Variants in FHIP2A observed in about 807,000 individuals in gnomAD.
FHIP2A encodes family with sequence similarity 160 member B1.
Under a neutral mutation model 93.5 loss-of-function variants are expected in FHIP2A, and 46 were observed. The observed-to-expected ratio is 0.49, with a 90% CI of 0.39 to 0.63. The LOEUF (loss-of-function observed/expected upper bound fraction) is 0.63. Among genes scored for constraint, FHIP2A ranks in the 20% least tolerant of loss-of-function variants. The pLI is 0.00. For missense variants in FHIP2A, 769 were observed against 909.7 expected (o/e 0.85, Z 1.99); for synonymous variants, 332 against 326.5 (o/e 1.02, Z -0.18).
Position 114,860,789 on chromosome 10 carries a change from G to A in FHIP2A, c.1988G>A (p.Arg663Lys). 6.2e-7 allele frequency: 1 copy of A among 1,608,616 alleles called. No individual in the cohort carries two copies. Among genetic ancestry groups the A allele is most frequent in the Non-Finnish European group, 8.5e-7 (1 of 1,175,038 alleles). Reference sequence around the variant, plus strand: ...TTACAAGTAACCTCAGTGTTATCTAGACTTTCTCTCTTCCCTCATCCACAC... The same window carrying A: ...TTACAAGTAACCTCAGTGTTATCTAAACTTTCTCTCTTCCCTCATCCACAC... Reference protein sequence around the residue: ...VNLQVTSVLSRLSLFPHPHIH... With the variant: ...VNLQVTSVLSKLSLFPHPHIH... Residue 663 changes from arginine to lysine, a missense_variant, in exon 15 of 17, where the codon AGA becomes AAA. By Grantham distance (26) the Arg-to-Lys change is conservative. Coordinates refer to ENST00000369248, the MANE Select transcript of FHIP2A (RefSeq NM_020940.4).
chr10:114,867,664 G>T (rs1159998010), downstream of FHIP2A, among the ~76,000 whole-genome samples: 1 of 152,158 alleles, frequency 6.6e-6, no homozygotes, highest in Non-Finnish European at 1.5e-5. Flanking sequence ...GATGGAGATG[G>T]TGGAGATGAA....
rs757704332 is a variant in FHIP2A, at chr10:114,843,951, C to T, written c.1013+14C>T. The T allele has an allele frequency of 8.5e-6, 13 of 1,535,214 alleles. No individual in the cohort carries two copies. The South Asian group carries it at 1.7e-4, about 20-fold the overall frequency. ...AATTAACTGGGGGTAAGCACCGTTA[C>T]TTGTATTTTCCCATAAAGGTGACTT... On this transcript the variant is annotated intron_variant, in intron 7 of 16. Coordinates refer to ENST00000369248, the MANE Select transcript of FHIP2A (RefSeq NM_020940.4).
chr10:114,896,447 C>G (rs1189585933), intron 16 of FHIP2A, among the ~76,000 whole-genome samples: 2 of 152,096 alleles, frequency 1.3e-5, no homozygotes, highest in African/African-American at 4.8e-5. Context: ...ATATCTTAGG[C>G]CCCCAAAATC....
At chr10:114,847,864 A>G (rs905653197) in intron 12 of FHIP2A, among the ~76,000 whole-genome samples, 1 of 151,338 alleles carries the variant, frequency 6.6e-6, no homozygotes, top group African/African-American at 2.4e-5. Context: ...CTCCTGCCTC[A>G]GGCTCCTGAG....
chr10:114,845,442 G>A lies in FHIP2A; in HGVS notation c.1089G>A (p.Trp363Ter). The A allele has an allele frequency of 6.2e-7, 1 of 1,613,328 alleles. No homozygotes were observed. Among genetic ancestry groups the A allele is most frequent in the Non-Finnish European group, 8.5e-7 (1 of 1,179,496 alleles). ...GKRALISFLS[W>*]FDYCDQLIKE... ...GAGCCTTAATTTCATTTCTTTCCTG[G>A]TTTGATTATTGTGATCAGCTCATTA... Residue 363 changes from tryptophan to a stop codon, truncating the protein, a stop_gained, in exon 8 of 17, where the codon TGG (tryptophan) becomes TGA (stop). Transcript: ENST00000369248. LOFTEE classifies it high-confidence loss of function.
intron 16 of FHIP2A, among the ~76,000 whole-genome samples, chr10:114,883,025 G>T (rs187352570): frequency 1.1e-4 from 17 of 152,276 alleles, no homozygotes; most frequent in African/African-American, 4.1e-4. Flanking sequence ...ACTGGCGAAA[G>T]GCTTGTGACA....
intron 1 of FHIP2A, among the ~76,000 whole-genome samples, chr10:114,825,131 C>T (rs2083565602): frequency 6.6e-6 from 1 of 152,194 alleles, no homozygotes; most frequent in Non-Finnish European, 1.5e-5. Context: ...GATTCTCCTG[C>T]CTCAGCCTCC....
chr10:114,880,567 C>G (rs2083911689), intron 16 of FHIP2A, among the ~76,000 whole-genome samples: 1 of 152,004 alleles, frequency 6.6e-6, no homozygotes, highest in African/African-American at 2.4e-5. Flanking sequence ...GTAATCCCAG[C>G]TACTCTGGTG....
In FHIP2A at chr10:114,842,997, G is replaced by T; in HGVS notation, c.587G>T (p.Gly196Val). The change falls in exon 6 of 17, where the codon GGT (glycine) becomes GTT (valine). Residue 196 changes from glycine to valine, a missense_variant. By Grantham distance (109) the Gly-to-Val change is moderately radical. Transcript: ENST00000369248. ...PNVISEDTLK[G>V]QDSLSTDTGQ... ...GTAATTTCAGAAGATACATTAAAAG[G>T]TCAGGATTCCTTGTCAACAGATACA... 1 of 1,613,292 alleles carries T rather than the reference G, an allele frequency of 6.2e-7. No individual in the cohort carries two copies. The highest frequency in any genetic ancestry group is 8.5e-7 in the Non-Finnish European group (1 of 1,179,316).
chr10:114,854,053 A>T (rs1040296650), intron 13 of FHIP2A, among the ~76,000 whole-genome samples: 2 of 152,052 alleles, frequency 1.3e-5, no homozygotes, highest in Admixed American at 6.6e-5. Context: ...GACTTTTAAA[A>T]TTCATTTTTA....
chr10:114,891,147 T>G (rs1048130184), intron 16 of FHIP2A, among the ~76,000 whole-genome samples: 4 of 151,170 alleles, frequency 2.6e-5, no homozygotes, highest in Non-Finnish European at 5.9e-5. Flanking sequence ...TGAGCTATGA[T>G]CACATTACTG....
intron 16 of FHIP2A, among the ~76,000 whole-genome samples, chr10:114,871,063 T>A (rs922889011): frequency 1.3e-5 from 2 of 149,836 alleles, no homozygotes; most frequent in Admixed American, 1.3e-4. Flanking sequence ...TATAATTTAT[T>A]TTTAATTGTA....
chr10:114,833,113 T>A, intron 2 of FHIP2A, 120 bp from the exon 3 acceptor site: 1 of 693,034 alleles, frequency 1.4e-6, no homozygotes, highest in Non-Finnish European at 2.4e-6. Context: ...AAACCTCACT[T>A]AAGTGTGTAG....
Position 114,862,125 on chromosome 10 carries a change from AAC to A in FHIP2A, c.*587_*588del. 2 of 921,876 alleles carry A rather than the reference AAC, an allele frequency of 2.2e-6. No individual in the cohort carries two copies. Among genetic ancestry groups the A allele is most frequent in the Non-Finnish European group, 1.3e-6 (1 of 771,840 alleles). The allele number at this position is 921,876 out of a possible 1,614,324, so 57.1% of individuals were successfully genotyped here. On this transcript the variant is annotated 3_prime_UTR_variant, in exon 17 of 17. Coordinates refer to ENST00000369248, the MANE Select transcript of FHIP2A (RefSeq NM_020940.4). ...AACTTTCTTCAGCTTTTTTAAGAAT[AAC>A]AATTTAATATGATAAATTCTTGATT...
chr10:114,875,244 G>T (rs1291828800), intron 16 of FHIP2A, among the ~76,000 whole-genome samples: 1 of 152,196 alleles, frequency 6.6e-6, no homozygotes, highest in Non-Finnish European at 1.5e-5. Flanking sequence ...AGACGGGTCT[G>T]ATTTGGATGT....
chr10:114,875,206 C>A (rs1162901641), intron 16 of FHIP2A, among the ~76,000 whole-genome samples: 1 of 151,960 alleles, frequency 6.6e-6, no homozygotes, highest in East Asian at 1.9e-4. Context: ...TGCTGTGCTG[C>A]GGAAGGACTG....
intron 9 of FHIP2A, 36 bp from the exon 10 acceptor site, chr10:114,846,139 A>AT: frequency 6.2e-7 from 1 of 1,613,072 alleles, no homozygotes; most frequent in Admixed American, 1.7e-5. Context: ...GTGTCATGTT[A>AT]TTTTTGCCCA....
At chr10:114,872,361 GAGTC>G (rs767317411) in intron 16 of FHIP2A, among the ~76,000 whole-genome samples, 25 of 152,172 alleles carry the variant, frequency 1.6e-4, no homozygotes, top group Non-Finnish European at 3.5e-4. Context: ...TTTCTCATAA[GAGTC>G]AGGGAAGTCT....
At position 114,863,802 on chromosome 10, in the gene FHIP2A, A is replaced by G; in HGVS notation, c.*2262A>G. On this transcript the variant is annotated 3_prime_UTR_variant, in exon 17 of 17. Coordinates refer to ENST00000369248, the MANE Select transcript of FHIP2A (RefSeq NM_020940.4). ...ACAGTAACTAAAATGCACTATGCTG[A>G]GTGGAAAGCACCGTCATAACAATTG... The G allele has an allele frequency of 8.8e-7, 1 of 1,130,798 alleles. No individual in the cohort carries two copies. The highest frequency in any genetic ancestry group is 1.1e-6 in the Non-Finnish European group (1 of 902,854). The allele number at this position is 1,130,798 out of a possible 1,614,324, so 70.0% of individuals were successfully genotyped here.
Sources: allele counts gnomAD v4.1 joint callset (sites outside exome capture counted in the v4.1 genomes callset), GRCh38; gene constraint gnomAD v4.1.1; transcripts MANE v1.5; gene names NCBI Gene and HGNC (gene_info 2026-07-23, HGNC 2026-07-21).